Variants in PXDNL observed in about 807,000 individuals in gnomAD.
PXDNL encodes probable oxidoreductase PXDNL.
PXDNL carries 145 observed loss-of-function variants against 150.8 expected under a neutral mutation model. The ratio of observed to expected loss-of-function variants is 0.96; its 90% CI spans 0.84 to 1.10. The LOEUF is 1.10. Ranked by LOEUF, PXDNL falls within the 50% of genes least tolerant of loss-of-function variation. The pLI is 0.00. For synonymous variants in PXDNL, 757 were observed against 725.7 expected, an observed-to-expected ratio of 1.04 and a Z score of -0.69; for missense variants, 2,087 against 1,873.9, an observed-to-expected ratio of 1.11 and a Z score of -2.10.
intron 4 of PXDNL, among the ~76,000 whole-genome samples, chr8:51,536,625 G>GT (rs11310622): frequency 0.22 from 31,684 of 147,296 alleles, 3,475 homozygotes; most frequent in Admixed American, 0.3. Context: ...AAGTCTTTCA[G>GT]TTTTTTTTTT....
intron 4 of PXDNL, among the ~76,000 whole-genome samples, chr8:51,519,817 A>T (rs1431014532): frequency 6.6e-6 from 1 of 152,228 alleles, no homozygotes; most frequent in African/African-American, 2.4e-5. Context: ...TCCTTACAAT[A>T]AAAACAAGTT....
chr8:51,543,922 T>C (rs1388794114), intron 4 of PXDNL, among the ~76,000 whole-genome samples: 1 of 151,924 alleles, frequency 6.6e-6, no homozygotes, highest in African/African-American at 2.4e-5. Flanking sequence ...GCTCTATCAG[T>C]GAAATAAAGG....
At chr8:51,524,528 A>G (rs1185181538) in intron 4 of PXDNL, among the ~76,000 whole-genome samples, 2 of 152,222 alleles carry the variant, frequency 1.3e-5, no homozygotes, top group African/African-American at 4.8e-5. Flanking sequence ...CTCAAAATTT[A>G]GGCAAATCTT....
chr8:51,766,159 G>C (rs1299628762), intron 1 of PXDNL, among the ~76,000 whole-genome samples: 1 of 152,086 alleles, frequency 6.6e-6, no homozygotes, highest in Non-Finnish European at 1.5e-5. Flanking sequence ...TTTTGGAGCT[G>C]TTTTCTTAGG....
At chr8:51,665,437 G>C (rs970134933) in intron 1 of PXDNL, among the ~76,000 whole-genome samples, 1 of 152,146 alleles carries the variant, frequency 6.6e-6, no homozygotes, top group Admixed American at 6.5e-5. Context: ...TATCAATACA[G>C]ATATTGCTTT....
At chr8:51,343,245 CAA>C (rs144285894) in intron 20 of PXDNL, among the ~76,000 whole-genome samples, 4,512 of 152,102 alleles carry the variant, frequency 0.03, 216 homozygotes, top group African/African-American at 0.1. Flanking sequence ...ACAGAGAAAA[CAA>C]GAAGTGAAAT....
At position 51,641,652 on chromosome 8, in the gene PXDNL, T is replaced by A. The variant is rs945298937; in HGVS notation, c.236+13037A>T. On this transcript the variant is annotated intron_variant, in intron 2 of 22. Transcript: ENST00000356297. Reference sequence around the variant, plus strand: ...AGAGAAATGCAAATCAAAACCACAATGAGATACCATCTCACACCAGTTAGA... The same window carrying A: ...AGAGAAATGCAAATCAAAACCACAAAGAGATACCATCTCACACCAGTTAGA... 1.3e-4 allele frequency among the ~76,000 whole-genome samples: 19 copies of A among 150,788 alleles called. No homozygotes were observed. The South Asian group carries it at 1.9e-3, about 15-fold the overall frequency.
intron 2 of PXDNL, 27 bp downstream of exon 2, chr8:51,654,662 C>A (rs11989561): frequency 8.9e-6 from 14 of 1,570,872 alleles, no homozygotes; most frequent in Non-Finnish European, 1.1e-5. Flanking sequence ...ATTTTAGGAA[C>A]CTTACAGATA....
chr8:51,326,509 A>G (rs990551247), intron 21 of PXDNL, among the ~76,000 whole-genome samples: 2 of 152,212 alleles, frequency 1.3e-5, no homozygotes, highest in Non-Finnish European at 2.9e-5. Flanking sequence ...AAAAGTAAAA[A>G]TAAAAGAAAA....
At chr8:51,541,932 A>C (rs1812225745) in intron 4 of PXDNL, among the ~76,000 whole-genome samples, 1 of 152,112 alleles carries the variant, frequency 6.6e-6, no homozygotes, top group South Asian at 2.1e-4. Context: ...GGTCTCTCCT[A>C]TTCCATCATG....
At chr8:51,536,209 C>T (rs1421618781) in intron 4 of PXDNL, among the ~76,000 whole-genome samples, 1 of 152,152 alleles carries the variant, frequency 6.6e-6, no homozygotes, top group Non-Finnish European at 1.5e-5. Context: ...CCGAAGCAAC[C>T]TTTTTATACA....
chr8:51,347,016 C>T (rs145301534), intron 19 of PXDNL, among the ~76,000 whole-genome samples: 1 of 152,198 alleles, frequency 6.6e-6, no homozygotes, highest in East Asian at 1.9e-4. Context: ...AATCAACATT[C>T]TCAGATAGTA....
chr8:51,642,864 G>T (rs1187585192), intron 2 of PXDNL, among the ~76,000 whole-genome samples: 2 of 152,220 alleles, frequency 1.3e-5, no homozygotes, highest in South Asian at 4.1e-4. Context: ...CAAAATCAAC[G>T]TGCAAAAATC....
Position 51,345,813 on chromosome 8 carries a change from T to G in PXDNL, c.4016+20A>C. On this transcript the variant is annotated intron_variant, in intron 20 of 22. Coordinates refer to ENST00000356297, the MANE Select transcript of PXDNL (RefSeq NM_144651.5). ...ATCTATAGTAAGTTGCCTAAAGAAA[T>G]GAGATATTTCTATACATACCTACTT... 1.2e-3 allele frequency: 1,761 copies of G among 1,452,528 alleles called. No individual in the cohort carries two copies. The highest frequency in any genetic ancestry group is 1.5e-3 in the Non-Finnish European group (1,607 of 1,038,096). 90.0% of individuals were successfully genotyped at this position (1,452,528 alleles called of 1,614,324 possible).
intron 3 of PXDNL, among the ~76,000 whole-genome samples, chr8:51,558,015 A>T (rs1812632787): frequency 6.6e-6 from 1 of 152,110 alleles, no homozygotes; most frequent in South Asian, 2.1e-4. Context: ...TTTACTCCAA[A>T]TCTCAAAAAT....
Position 51,474,355 on chromosome 8 carries a change from A to C in PXDNL, c.694+617T>G, listed in dbSNP as rs189123875. Among the ~76,000 whole-genome samples, 43 of 152,338 alleles carry C rather than the reference A, an allele frequency of 2.8e-4. No individual in the cohort carries two copies. In the East Asian group the frequency reaches 8.3e-3, roughly 29 times the overall value. ...ATGAAAAGCTTTAAATGAAAATCAA[A>C]TAATATTGTAAGCAGCCGTAATAAA... is the stretch of plus-strand genomic sequence containing the variant. On this transcript the variant is annotated intron_variant, in intron 7 of 22. Transcript: ENST00000356297.
At chr8:51,754,446 A>G (rs2037078163) in intron 1 of PXDNL, among the ~76,000 whole-genome samples, 1 of 152,140 alleles carries the variant, frequency 6.6e-6, no homozygotes, top group African/African-American at 2.4e-5. Context: ...TTCTGGCTGA[A>G]GGTAATAAAA....
intron 4 of PXDNL, among the ~76,000 whole-genome samples, chr8:51,512,132 T>C (rs190532330): frequency 4.2e-4 from 64 of 152,284 alleles, no homozygotes; most frequent in African/African-American, 1.5e-3. Context: ...TTTATACACC[T>C]ACTGACATTT....
At chr8:51,404,815 T>C (rs1262076507) in intron 17 of PXDNL, among the ~76,000 whole-genome samples, 3 of 152,196 alleles carry the variant, frequency 2.0e-5, no homozygotes, top group Non-Finnish European at 2.9e-5. Context: ...TCCCACGCAG[T>C]GCGCCGGCAC....
Sources: allele counts gnomAD v4.1 joint callset (sites outside exome capture counted in the v4.1 genomes callset), GRCh38; gene constraint gnomAD v4.1.1; transcripts MANE v1.5; gene names NCBI Gene and HGNC (gene_info 2026-07-23, HGNC 2026-07-21).